The following TRIM2 variants were observed in gnomAD, a reference collection of about 807,000 sequenced individuals.
TRIM2 encodes tripartite motif-containing protein 2.
TRIM2 carries 20 observed loss-of-function variants against 75.2 expected under a neutral mutation model. The ratio of observed to expected loss-of-function variants is 0.27; its 90% CI spans 0.19 to 0.39. The LOEUF (loss-of-function observed/expected upper bound fraction) is 0.39. Ranked by LOEUF, TRIM2 falls within the 10% of genes least tolerant of loss-of-function variation. The pLI is 1.00. For missense variants in TRIM2, 660 were observed against 990.8 expected, an observed-to-expected ratio of 0.67 and a Z score of 4.48; for synonymous variants, 373 against 388.3, an observed-to-expected ratio of 0.96 and a Z score of 0.46.
chr4:153,296,967 T>C (rs1161048734), intron 6 of TRIM2, among the ~76,000 whole-genome samples: 1 of 152,200 alleles, frequency 6.6e-6, no homozygotes, highest in African/African-American at 2.4e-5. Flanking sequence ...AACCTTAGGC[T>C]AAATGAAGGA....
chr4:153,173,291 T>C (rs76482688), intron 1 of TRIM2, among the ~76,000 whole-genome samples: 10,496 of 152,104 alleles, frequency 0.069, 1,207 homozygotes, highest in African/African-American at 0.24. Flanking sequence ...CTTTGGGGTC[T>C]GGAGGATTGC....
At chr4:153,269,272 A>G (rs1156552361) in intron 1 of TRIM2, among the ~76,000 whole-genome samples, 1 of 152,214 alleles carries the variant, frequency 6.6e-6, no homozygotes, top group Non-Finnish European at 1.5e-5. Flanking sequence ...CCTAGACAAA[A>G]GAAAGAGGGG....
intron 1 of TRIM2, among the ~76,000 whole-genome samples, chr4:153,157,804 GC>G (rs1348372398): frequency 6.6e-6 from 1 of 152,172 alleles, no homozygotes; most frequent in African/African-American, 2.4e-5. Flanking sequence ...TCAAAGCTGT[GC>G]CCCAAAATGG....
At chr4:153,311,074 A>G (rs899709910) in intron 6 of TRIM2, among the ~76,000 whole-genome samples, 2 of 152,228 alleles carry the variant, frequency 1.3e-5, no homozygotes. Flanking sequence ...AGCTAAGCAT[A>G]GAGTCTTCCT....
intron 10 of TRIM2, among the ~76,000 whole-genome samples, chr4:153,327,960 C>T (rs1022252410): frequency 1.1e-4 from 17 of 152,202 alleles, no homozygotes; most frequent in Admixed American, 1.0e-3. Flanking sequence ...TCTCTTATTT[C>T]TCACCTGCTG....
chr4:153,213,686 G>A (rs1342559559), intron 1 of TRIM2, among the ~76,000 whole-genome samples: 1 of 151,968 alleles, frequency 6.6e-6, no homozygotes, highest in African/African-American at 2.4e-5. Context: ...TGCCACCATG[G>A]CTGGCTGACT....
intron 1 of TRIM2, among the ~76,000 whole-genome samples, chr4:153,195,741 C>A (rs1032592250): frequency 4.6e-5 from 7 of 152,218 alleles, no homozygotes; most frequent in Non-Finnish European, 8.8e-5. Flanking sequence ...ATTCTCTGAA[C>A]TAATCCTGTT....
intron 6 of TRIM2, among the ~76,000 whole-genome samples, chr4:153,299,982 C>T (rs1167573313): frequency 6.6e-6 from 1 of 152,212 alleles, no homozygotes; most frequent in Non-Finnish European, 1.5e-5. Flanking sequence ...CTCACCATTA[C>T]TCCGTTTGCA....
chr4:153,322,204 T>C (rs1034525133), intron 8 of TRIM2, among the ~76,000 whole-genome samples: 8 of 151,952 alleles, frequency 5.3e-5, no homozygotes, highest in African/African-American at 1.9e-4. Context: ...GGTCAGGAGT[T>C]CAAGACGAGC....
intron 1 of TRIM2, among the ~76,000 whole-genome samples, chr4:153,199,166 A>G (rs1349292695): frequency 6.6e-6 from 1 of 152,298 alleles, no homozygotes; most frequent in East Asian, 1.9e-4. Context: ...TCAGCTCTAC[A>G]GAATTGTGTT....
chr4:153,320,340 C>CT, intron 8 of TRIM2, among the ~76,000 whole-genome samples: 1 of 152,258 alleles, frequency 6.6e-6, no homozygotes, highest in Non-Finnish European at 1.5e-5. Context: ...CATATAAAGT[C>CT]TAAAGTCCCC....
chr4:153,211,173 G>A (rs950760426), intron 1 of TRIM2, among the ~76,000 whole-genome samples: 2 of 152,222 alleles, frequency 1.3e-5, no homozygotes, highest in South Asian at 2.1e-4. Context: ...GCTTCCAGGT[G>A]TGGTTTTGGG....
intron 1 of TRIM2, among the ~76,000 whole-genome samples, chr4:153,195,721 T>C (rs1733698220): frequency 6.6e-6 from 1 of 152,234 alleles, no homozygotes; most frequent in Non-Finnish European, 1.5e-5. Context: ...GTTTCCGCTG[T>C]TTGTTCTTCA....
intron 1 of TRIM2, among the ~76,000 whole-genome samples, chr4:153,217,580 G>T (rs145564493): frequency 6.6e-6 from 1 of 152,182 alleles, no homozygotes; most frequent in Non-Finnish European, 1.5e-5. Context: ...ACTCAGTGAT[G>T]CTTGACAATC....
chr4:153,283,374 A>G (rs1333467970), intron 3 of TRIM2, among the ~76,000 whole-genome samples: 1 of 152,184 alleles, frequency 6.6e-6, no homozygotes, highest in Non-Finnish European at 1.5e-5. Flanking sequence ...CATCCATGTT[A>G]TGGTATATTA....
chr4:153,250,492 T>A, intron 1 of TRIM2, among the ~76,000 whole-genome samples: 1 of 152,170 alleles, frequency 6.6e-6, no homozygotes, highest in Non-Finnish European at 1.5e-5. Context: ...ATTAATGGGA[T>A]GGTTTGTTAG....
intron 1 of TRIM2, among the ~76,000 whole-genome samples, chr4:153,241,655 C>T (rs1001844787): frequency 2.6e-5 from 4 of 152,136 alleles, no homozygotes; most frequent in African/African-American, 9.7e-5. Context: ...CTAGGAGGAG[C>T]GGGAACCTTG....
chr4:153,246,874 C>T (rs934333694), intron 1 of TRIM2, among the ~76,000 whole-genome samples: 1 of 152,308 alleles, frequency 6.6e-6, no homozygotes. Context: ...CCTTGCTCTT[C>T]CCCTCTGCCT....
intron 1 of TRIM2, among the ~76,000 whole-genome samples, chr4:153,237,293 GATTA>G (rs1001777320): frequency 1.3e-5 from 2 of 152,054 alleles, no homozygotes; most frequent in African/African-American, 4.8e-5. Flanking sequence ...AGGCATTTTT[GATTA>G]ATTGATTATT....
Sources: gnomAD v4.1 joint callset for allele counts (sites outside exome capture counted in the v4.1 genomes callset) on GRCh38, gnomAD v4.1.1 for gene constraint, MANE v1.5 for transcripts, NCBI Gene and HGNC (gene_info 2026-07-23, HGNC 2026-07-21) for gene names.